Variants in OPN3 observed in about 807,000 individuals in gnomAD.
OPN3 encodes opsin 3.
Under a neutral mutation model 33.8 loss-of-function variants are expected in OPN3, and 29 were observed. The ratio of observed to expected loss-of-function variants is 0.86; its 90% CI spans 0.64 to 1.17. The LOEUF is 1.17. OPN3 is among the 50% of genes most tolerant of loss of function. The probability of loss-of-function intolerance (pLI) is 0.00; values close to 1 mark genes in which losing one functional copy is unlikely to be tolerated. For missense variants in OPN3, 437 were observed against 514.1 expected, an observed-to-expected ratio of 0.85 and a Z score of 1.45; for synonymous variants, 216 against 216.1, an observed-to-expected ratio of 1.00 and a Z score of 0.00.
intron 1 of OPN3, chr1:241,634,968 CA>C: frequency 1.2e-6 from 2 of 1,613,574 alleles, no homozygotes; most frequent in Non-Finnish European, 1.7e-6. Flanking sequence ...TCCCGAAATG[CA>C]AGAATCCTAG....
At chr1:241,605,975 T>C (rs1416316182) in intron 1 of OPN3, among the ~76,000 whole-genome samples, 1 of 152,230 alleles carries the variant, frequency 6.6e-6, no homozygotes, top group Non-Finnish European at 1.5e-5. Flanking sequence ...TCCTTTTACA[T>C]CATTAGATTC....
At position 241,594,347 on chromosome 1, in the gene OPN3, G is replaced by A; in HGVS notation, c.*81C>T. 7.0e-7 allele frequency: 1 copy of A among 1,437,738 alleles called. No individual in the cohort carries two copies. The highest frequency in any genetic ancestry group is 9.5e-7 in the Non-Finnish European group (1 of 1,047,760). 89.1% of individuals were successfully genotyped at this position (1,437,738 alleles called of 1,614,324 possible). On this transcript the variant is annotated 3_prime_UTR_variant, in exon 4 of 4. Transcript: ENST00000366554. ...GTTCTGTTGATATTACATAGAACGG[G>A]TATTCCAGACACTTCTTATGATGAA...
intron 1 of OPN3, chr1:241,634,968 C>T (rs1349699826): frequency 1.9e-6 from 3 of 1,613,456 alleles, no homozygotes; most frequent in African/African-American, 1.3e-5. Flanking sequence ...TCCCGAAATG[C>T]AAGAATCCTA....
At chr1:241,621,014 G>C (rs1664259043) in intron 1 of OPN3, among the ~76,000 whole-genome samples, 1 of 152,140 alleles carries the variant, frequency 6.6e-6, no homozygotes, top group African/African-American at 2.4e-5. Context: ...AAGGATGGAA[G>C]CACTGCTTGG....
intron 1 of OPN3, chr1:241,614,198 T>C (rs565831137): frequency 6.6e-6 from 1 of 152,036 alleles, no homozygotes; most frequent in African/African-American, 2.4e-5. Context: ...TGATTTCAGG[T>C]AATCAACTTA....
chr1:241,629,182 G>A lies in OPN3; in HGVS notation c.373+10700C>T, dbSNP rs1432468895. 3.9e-5 allele frequency: 6 copies of A among 152,198 alleles called. No individual in the cohort carries two copies. In the South Asian group the frequency reaches 8.3e-4, roughly 21 times the overall value. The allele number at this position is 152,198 out of a possible 1,614,324, so 9.4% of individuals were successfully genotyped here. A position where few individuals can be genotyped will look rare whatever the true frequency, so the allele number is the denominator to read the frequency against. On this transcript the variant is annotated intron_variant, in intron 1 of 3. Transcript: ENST00000366554. The stretch of plus-strand genomic sequence containing the variant: ...TTTCCCCCTTAAAGTTATCTGAGTG[G>A]AACTGCTAGAAAACTTTGTACAAAT...
intron 1 of OPN3, among the ~76,000 whole-genome samples, chr1:241,619,306 A>G (rs1664215798): frequency 1.3e-5 from 2 of 152,314 alleles, no homozygotes; most frequent in South Asian, 4.1e-4. Flanking sequence ...CGGGACACTA[A>G]AGGTAATACT....
chr1:241,639,958 G>A lies in OPN3; in HGVS notation c.297C>T (p.Phe99=), dbSNP rs1458655731. ...CCCAGCCGTTCCTCAGGCAGGACAC[G>A]AAGGTAAAGGTGACCCCGAAGAGGG... ...LVSLFGVTFT[F]VSCLRNGWVW... Residue 99 remains phenylalanine (F), a synonymous_variant, in exon 1 of 4, where the codon TTC becomes TTT. Transcript: ENST00000366554. The A allele has an allele frequency of 1.2e-6, 2 of 1,611,118 alleles. No homozygotes were observed. The highest frequency in any genetic ancestry group is 8.5e-7 in the Non-Finnish European group (1 of 1,178,900).
intron 1 of OPN3, chr1:241,635,478 G>A: frequency 6.2e-7 from 1 of 1,613,832 alleles, no homozygotes; most frequent in East Asian, 2.2e-5. Flanking sequence ...TCTGTGTGTT[G>A]AATAGTTTCA....
At chr1:241,606,293 C>G (rs941518342) in intron 1 of OPN3, among the ~76,000 whole-genome samples, 2 of 152,102 alleles carry the variant, frequency 1.3e-5, no homozygotes, top group African/African-American at 4.8e-5. Flanking sequence ...CCTGTAATCT[C>G]AGCACTTTGA....
At position 241,597,811 on chromosome 1, in the gene OPN3, A is replaced by G. The variant is rs150590672; in HGVS notation, c.880T>C (p.Ser294Pro). 16 of 1,613,768 alleles carry G rather than the reference A, an allele frequency of 9.9e-6. No individual in the cohort carries two copies. Among genetic ancestry groups the G allele is most frequent in the African/African-American group, 2.7e-5 (2 of 74,906 alleles). The change falls in exon 3 of 4, where the codon TCG (serine) becomes CCG (proline). Residue 294 changes from serine to proline, a missense_variant. Transcript: ENST00000366554. ...HLVTPTISIV[S>P]YLFAKSNTVY... is the part of the protein sequence containing the mutation. ...GTGTTCGATTTAGCAAAGAGGTACG[A>G]AACAATAGATATTGTTGGAGTGACC...
chr1:241,605,737 G>C (rs564519936), intron 1 of OPN3, among the ~76,000 whole-genome samples: 1 of 152,338 alleles, frequency 6.6e-6, no homozygotes, highest in African/African-American at 2.4e-5. Context: ...ATTCCAGGAA[G>C]AGTGAAGAAA....
intron 1 of OPN3, among the ~76,000 whole-genome samples, chr1:241,627,322 C>T (rs914295706): frequency 6.6e-6 from 1 of 152,106 alleles, no homozygotes; most frequent in Admixed American, 6.5e-5. Flanking sequence ...TTAAATAGTG[C>T]TTTATGTGTT....
chr1:241,640,277 C>G lies in OPN3; in HGVS notation c.-23G>C. ...CATGGCCCGGCGCCGGCGCGCCTGG[C>G]GGGCGGAGGCGCTCAGCTTGCGGCG... On this transcript the variant is annotated 5_prime_UTR_variant, in exon 1 of 4. Coordinates refer to ENST00000366554, the MANE Select transcript of OPN3 (RefSeq NM_014322.3). 1 of 1,167,240 alleles carries G rather than the reference C, an allele frequency of 8.6e-7. No individual in the cohort carries two copies. Among genetic ancestry groups the G allele is most frequent in the Non-Finnish European group, 1.1e-6 (1 of 949,082 alleles). The allele number at this position is 1,167,240 out of a possible 1,614,324, so 72.3% of individuals were successfully genotyped here.
chr1:241,626,506 C>A (rs956952115), intron 1 of OPN3, among the ~76,000 whole-genome samples: 1 of 152,088 alleles, frequency 6.6e-6, no homozygotes, highest in South Asian at 2.1e-4. Flanking sequence ...AAAATGAGAA[C>A]AGAACAATGT....
At position 241,639,883 on chromosome 1, in the gene OPN3, G is replaced by C; in HGVS notation, c.372C>G (p.Phe124Leu). ...CTGCCTTCTCCCAGTCCAACTCACCGAAGAGGCTGCCGCTAAACCCGTCCC... is the reference window on the plus strand; with the variant it reads ...CTGCCTTCTCCCAGTCCAACTCACCCAAGAGGCTGCCGCTAAACCCGTCCC... ...CVWDGFSGSLFGIVSIATLTV... is the reference protein window; with the variant it reads ...CVWDGFSGSLLGIVSIATLTV... Residue 124 changes from phenylalanine to leucine, a missense_variant and splice_region_variant, in exon 1 of 4, where the codon TTC (phenylalanine) becomes TTG (leucine). Physicochemically the swap from Phe to Leu is conservative, Grantham distance 22 (BLOSUM62 0). Transcript: ENST00000366554. The C allele has an allele frequency of 6.4e-7, 1 of 1,569,466 alleles. No homozygotes were observed. The highest frequency in any genetic ancestry group is 8.6e-7 in the Non-Finnish European group (1 of 1,156,968).
intron 1 of OPN3, among the ~76,000 whole-genome samples, chr1:241,615,338 T>C (rs767340846): frequency 1.3e-5 from 2 of 152,132 alleles, no homozygotes; most frequent in Admixed American, 6.5e-5. Context: ...ATGGGAGGCA[T>C]ACGCTTTGTT....
chr1:241,624,502 T>G (rs1178881736), intron 1 of OPN3, among the ~76,000 whole-genome samples: 1 of 152,246 alleles, frequency 6.6e-6, no homozygotes, highest in Admixed American at 6.5e-5. Flanking sequence ...AGGACTACTC[T>G]GTTTATATAC....
chr1:241,639,801 G>A, intron 1 of OPN3, 81 bp downstream of exon 1: 1 of 1,321,786 alleles, frequency 7.6e-7, no homozygotes, highest in Non-Finnish European at 9.9e-7. Flanking sequence ...GGCGGGCTGG[G>A]GGGCGGACGC....
Sources: gnomAD v4.1 joint callset for allele counts (sites outside exome capture counted in the v4.1 genomes callset) on GRCh38, gnomAD v4.1.1 for gene constraint, MANE v1.5 for transcripts, NCBI Gene and HGNC (gene_info 2026-07-23, HGNC 2026-07-21) for gene names.